The following PDS5A variants were observed in gnomAD, a reference collection of about 807,000 sequenced individuals.
PDS5A encodes sister chromatid cohesion protein PDS5 homolog A.
PDS5A carries 42 observed loss-of-function variants against 167.1 expected under a neutral mutation model. The ratio of observed to expected loss-of-function variants is 0.25; its 90% CI spans 0.20 to 0.33. The LOEUF (loss-of-function observed/expected upper bound fraction) is 0.33. Ranked by LOEUF, PDS5A falls within the 10% of genes least tolerant of loss-of-function variation. The probability of loss-of-function intolerance (pLI) is 1.00; values close to 1 mark genes in which losing one functional copy is unlikely to be tolerated. For missense variants in PDS5A, 1,033 were observed against 1,605.9 expected (o/e 0.64, Z 6.10); for synonymous variants, 553 against 554.6 (o/e 1.00, Z 0.04).
chr4:39,930,246 A>AAAAAAAAAAAAAAAATTT, intron 2 of PDS5A, among the ~76,000 whole-genome samples: 2 of 93,088 alleles, frequency 2.1e-5, no homozygotes, highest in Non-Finnish European at 4.5e-5. Flanking sequence ...AAAAAAAAAA[A>AAAAAAAAAAAAAAAATTT]GTTTTTTTGT....
intron 11 of PDS5A, among the ~76,000 whole-genome samples, chr4:39,906,525 G>T (rs921478780): frequency 3.3e-5 from 5 of 151,388 alleles, no homozygotes; most frequent in African/African-American, 1.2e-4. Flanking sequence ...TAAGAGAAGA[G>T]ACAGGAAAGG....
chr4:39,840,792 T>A (rs763942342), intron 31 of PDS5A, among the ~76,000 whole-genome samples: 3 of 151,670 alleles, frequency 2.0e-5, no homozygotes. Flanking sequence ...CTCACTCTTG[T>A]CGCCCAGGCT....
intron 2 of PDS5A, among the ~76,000 whole-genome samples, chr4:39,954,687 A>AAC (rs1560514852): frequency 1.3e-5 from 2 of 151,290 alleles, no homozygotes; most frequent in African/African-American, 4.8e-5. Flanking sequence ...AAAAAAAAAA[A>AAC]AAAAAAAAAA....
chr4:39,879,878 A>G, intron 17 of PDS5A, 45 bp from the exon 18 acceptor site: 1 of 1,055,494 alleles, frequency 9.5e-7, no homozygotes, highest in African/African-American at 1.5e-5. Context: ...TGTAGTAGTA[A>G]CTATATCCTA....
chr4:39,921,853 T>A lies in PDS5A; in HGVS notation c.654+769A>T, dbSNP rs181028884. Among the ~76,000 whole-genome samples, 231 of 152,344 alleles carry A rather than the reference T, an allele frequency of 1.5e-3. 2 individuals carry two copies. Among genetic ancestry groups the A allele is most frequent in the African/African-American group, 5.4e-3 (224 of 41,586 alleles). On this transcript the variant is annotated intron_variant, in intron 6 of 32. Transcript: ENST00000303538. ...CTTTGCCATAGTCTCAGAATTTTTA[T>A]AAACTACAGAATTTTGTAAACTACA...
intron 2 of PDS5A, among the ~76,000 whole-genome samples, chr4:39,947,476 T>C (rs939458980): frequency 2.6e-5 from 4 of 151,862 alleles, no homozygotes; most frequent in African/African-American, 9.7e-5. Flanking sequence ...AGAGGAAACA[T>C]GAAATAAACA....
chr4:39,907,059 G>T (rs911206198), intron 11 of PDS5A, among the ~76,000 whole-genome samples: 6 of 151,738 alleles, frequency 4.0e-5, no homozygotes, highest in Non-Finnish European at 8.8e-5. Flanking sequence ...AGGTGTTACT[G>T]TTACCACACC....
chr4:39,910,780 T>G (rs1375923675), intron 9 of PDS5A, among the ~76,000 whole-genome samples: 1 of 152,136 alleles, frequency 6.6e-6, no homozygotes, highest in Non-Finnish European at 1.5e-5. Context: ...GGATTGCTTG[T>G]GGCCAGGAGT....
chr4:39,950,972 T>C (rs973435186), intron 2 of PDS5A, among the ~76,000 whole-genome samples: 2 of 151,844 alleles, frequency 1.3e-5, no homozygotes, highest in Non-Finnish European at 2.9e-5. Context: ...GGCACAATCA[T>C]AGCTCACTGC....
chr4:39,834,922 C>T (rs568972627), intron 32 of PDS5A, among the ~76,000 whole-genome samples: 1 of 152,212 alleles, frequency 6.6e-6, no homozygotes, highest in Non-Finnish European at 1.5e-5. Flanking sequence ...CCCACCTCAG[C>T]TCCCTGAGTA....
chr4:39,883,346 A>G (rs749700255), intron 17 of PDS5A, among the ~76,000 whole-genome samples: 2 of 151,976 alleles, frequency 1.3e-5, no homozygotes, highest in East Asian at 1.9e-4. Context: ...ACACCTGGCT[A>G]ATTTTTGTAC....
intron 25 of PDS5A, 85 bp from the exon 26 acceptor site, chr4:39,862,418 C>T (rs1472925398): frequency 3.5e-6 from 2 of 574,978 alleles, no homozygotes; most frequent in African/African-American, 1.9e-5. Context: ...CATTTTTTCC[C>T]TCAGTTATTT....
intron 7 of PDS5A, among the ~76,000 whole-genome samples, chr4:39,918,418 G>A (rs1724605709): frequency 6.6e-6 from 1 of 151,864 alleles, no homozygotes; most frequent in Admixed American, 6.6e-5. Flanking sequence ...CAAATTAAAA[G>A]ATACCAGCAC....
intron 17 of PDS5A, among the ~76,000 whole-genome samples, chr4:39,887,555 C>T (rs1721583740): frequency 6.6e-6 from 1 of 151,660 alleles, no homozygotes; most frequent in Non-Finnish European, 1.5e-5. Flanking sequence ...AGTGATAGAC[C>T]CCTATCCCTC....
Position 39,862,206 on chromosome 4 carries a change from C to G in PDS5A, c.3086+13G>C, listed in dbSNP as rs1719061561. Reference sequence around the variant, plus strand: ...CATAATTTTTAGAGTTCTTGAAAAACAACAAGACTTACTCTTTGATATCAC... The same window carrying G: ...CATAATTTTTAGAGTTCTTGAAAAAGAACAAGACTTACTCTTTGATATCAC... On this transcript the variant is annotated intron_variant, in intron 26 of 32. Transcript: ENST00000303538. The G allele has an allele frequency of 8.8e-7, 1 of 1,130,570 alleles. No individual in the cohort carries two copies. Among genetic ancestry groups the G allele is most frequent in the Non-Finnish European group, 1.2e-6 (1 of 803,646 alleles). The allele number at this position is 1,130,570 out of a possible 1,614,324, so 70.0% of individuals were successfully genotyped here. A position where few individuals can be genotyped will look rare whatever the true frequency, so the allele number is the denominator to read the frequency against.
intron 2 of PDS5A, among the ~76,000 whole-genome samples, chr4:39,969,967 T>A (rs1274423863): frequency 6.6e-6 from 1 of 151,670 alleles, no homozygotes; most frequent in Non-Finnish European, 1.5e-5. Context: ...AATCTTTTTT[T>A]TTTTTTTTTG....
At chr4:39,930,250 T>TTTG (rs1560493882) in intron 2 of PDS5A, among the ~76,000 whole-genome samples, 2 of 109,806 alleles carry the variant, frequency 1.8e-5, no homozygotes, top group African/African-American at 5.7e-5. Context: ...AAAAAAAGTT[T>TTTG]TTTTGTTTTT....
At chr4:39,860,247 T>G (rs973657234) in intron 26 of PDS5A, among the ~76,000 whole-genome samples, 4 of 152,008 alleles carry the variant, frequency 2.6e-5, no homozygotes, top group Admixed American at 1.3e-4. Flanking sequence ...GTGGATCACT[T>G]GAGGCCAGTA....
At chr4:39,927,216 G>A (rs1443603484) in intron 3 of PDS5A, among the ~76,000 whole-genome samples, 1 of 152,144 alleles carries the variant, frequency 6.6e-6, no homozygotes, top group Non-Finnish European at 1.5e-5. Context: ...AGTTGGATAT[G>A]AGTATTTCCA....
Sources: gnomAD v4.1 joint callset for allele counts (sites outside exome capture counted in the v4.1 genomes callset) on GRCh38, gnomAD v4.1.1 for gene constraint, MANE v1.5 for transcripts, NCBI Gene and HGNC (gene_info 2026-07-23, HGNC 2026-07-21) for gene names.